Variants in PARD3B observed in about 807,000 individuals in gnomAD.
PARD3B encodes the protein partitioning defective 3 homolog B.
In PARD3B, 103 loss-of-function variants were observed where a neutral mutation model predicts 130.2. The observed-to-expected ratio is 0.79, with a 90% confidence interval of 0.67 to 0.93. The LOEUF (loss-of-function observed/expected upper bound fraction) is 0.93, where lower values mean the gene tolerates loss of function less well. PARD3B is among the 40% of genes least tolerant of loss of function. The pLI is 0.00. For synonymous variants in PARD3B, 583 were observed against 553.2 expected, an observed-to-expected ratio of 1.05 and a Z score of -0.76; for missense variants, 1,609 against 1,499.2, an observed-to-expected ratio of 1.07 and a Z score of -1.21.
intron 21 of PARD3B, among the ~76,000 whole-genome samples, chr2:205,520,044 A>C (rs938009296): frequency 1.3e-5 from 2 of 151,654 alleles, no homozygotes; most frequent in African/African-American, 2.4e-5. Flanking sequence ...ATGGCTTGGC[A>C]CTCCTGGACT....
intron 2 of PARD3B, among the ~76,000 whole-genome samples, chr2:204,702,214 A>G (rs2125278705): frequency 6.6e-6 from 1 of 152,224 alleles, no homozygotes; most frequent in African/African-American, 2.4e-5. Context: ...ATGTGAGTTT[A>G]TGTGTCTTTT....
At chr2:204,803,159 A>ATATATATAT (rs1310418905) in intron 2 of PARD3B, among the ~76,000 whole-genome samples, 4 of 121,172 alleles carry the variant, frequency 3.3e-5, no homozygotes, top group African/African-American at 1.2e-4. Flanking sequence ...AAAAAAAAAA[A>ATATATATAT]AAAAATATAT....
At position 205,410,864 on chromosome 2, in the gene PARD3B, A is replaced by T. The variant is rs2046572555; in HGVS notation, c.2741+9741A>T. Among the ~76,000 whole-genome samples the T allele has an allele frequency of 3.9e-5, 6 of 152,134 alleles. No individual in the cohort carries two copies. In the South Asian group the frequency reaches 1.0e-3, roughly 26 times the overall value. The stretch of plus-strand genomic sequence containing the variant: ...TCTATATGATTTGAAAGGATGCTCA[A>T]TCTATTGTCTTCTGGAATCTTCTCC... On this transcript the variant is annotated intron_variant, in intron 19 of 22. Coordinates refer to ENST00000406610, the MANE Select transcript of PARD3B (RefSeq NM_001302769.2).
intron 20 of PARD3B, among the ~76,000 whole-genome samples, chr2:205,490,528 C>A (rs932711164): frequency 1.3e-5 from 2 of 152,106 alleles, no homozygotes; most frequent in African/African-American, 4.8e-5. Flanking sequence ...GGACATTTGG[C>A]TTGGTTCCAA....
At chr2:205,383,145 T>TAGAGAGATAGATAGATAG (rs1553500460) in intron 18 of PARD3B, among the ~76,000 whole-genome samples, 1 of 129,518 alleles carries the variant, frequency 7.7e-6, no homozygotes. Flanking sequence ...GATAGATCGA[T>TAGAGAGATAGATAGATAG]CTAAACTATG....
Position 205,321,096 on chromosome 2 carries a change from A to T in PARD3B, c.2630+19395A>T, listed in dbSNP as rs2042737153. ...CAATCTGCTTAGGAAGTAGGTCTTA[A>T]ATAATTGATGATAACTGTAGCTAAA... On this transcript the variant is annotated intron_variant, in intron 18 of 22. Coordinates refer to ENST00000406610, the MANE Select transcript of PARD3B (RefSeq NM_001302769.2). This position sits in a 1 kb window ranked among gnomAD's most constrained non-coding sequence, Gnocchi z 4.2. Among the ~76,000 whole-genome samples, 1 of 152,182 alleles carries T rather than the reference A, an allele frequency of 6.6e-6. No individual in the cohort carries two copies. The highest frequency in any genetic ancestry group is 2.4e-5 in the African/African-American group (1 of 41,452).
intron 21 of PARD3B, among the ~76,000 whole-genome samples, chr2:205,526,525 A>G (rs1046317676): frequency 6.6e-6 from 1 of 152,154 alleles, no homozygotes; most frequent in African/African-American, 2.4e-5. Flanking sequence ...CTCTAACTTG[A>G]TAGCAAGCTC....
At chr2:205,362,446 A>G (rs1290828020) in intron 18 of PARD3B, among the ~76,000 whole-genome samples, 1 of 152,214 alleles carries the variant, frequency 6.6e-6, no homozygotes, top group South Asian at 2.1e-4. Context: ...AGGTAAACAG[A>G]CAATAATGAA....
At chr2:205,557,694 C>A (rs574116931) in intron 22 of PARD3B, among the ~76,000 whole-genome samples, 8 of 152,228 alleles carry the variant, frequency 5.3e-5, no homozygotes, top group Admixed American at 1.3e-4. Context: ...ACAAGCAAAA[C>A]CCTCAGCGAA....
rs1258304000 is a variant in PARD3B at position 205,291,300 on chromosome 2, G to A, written c.2186-9230G>A. ...CACCAACACCACCATCACAAGAGGA[G>A]AGCTGTAAAGAAAGCTTCGATCTCT... On this transcript the variant is annotated intron_variant, in intron 16 of 22. Coordinates refer to ENST00000406610, the MANE Select transcript of PARD3B (RefSeq NM_001302769.2). The surrounding 1 kb of genome is among the most constrained non-coding windows in gnomAD (Gnocchi z 4.6). Among the ~76,000 whole-genome samples the A allele has an allele frequency of 1.3e-5, 2 of 152,172 alleles. No homozygotes were observed. The highest frequency in any genetic ancestry group is 6.5e-5 in the Admixed American group (1 of 15,284).
Position 205,080,877 on chromosome 2 carries a change from G to T in PARD3B, c.505-23549G>T, listed in dbSNP as rs375004305. On this transcript the variant is annotated intron_variant, in intron 4 of 22. Transcript: ENST00000406610. ...AATTTTCGTTTCCTTGAGGATTAAG[G>T]AGGTTGAGCACCTCTTCATATGTTT... Among the ~76,000 whole-genome samples, 10 of 152,164 alleles carry T rather than the reference G, an allele frequency of 6.6e-5. No homozygotes were observed. The East Asian group carries it at 1.5e-3, about 23-fold the overall frequency.
intron 5 of PARD3B, among the ~76,000 whole-genome samples, chr2:205,110,613 A>G (rs1012742587): frequency 2.0e-5 from 3 of 148,700 alleles, no homozygotes; most frequent in Non-Finnish European, 3.0e-5. Flanking sequence ...TTTATCTCAC[A>G]CAGTTTATTT....
chr2:205,334,504 T>C (rs1468222270), intron 18 of PARD3B, among the ~76,000 whole-genome samples: 2 of 152,178 alleles, frequency 1.3e-5, no homozygotes, highest in East Asian at 3.9e-4. Context: ...CTGACACTAA[T>C]TGTAACCAAA....
At chr2:205,234,918 A>C (rs2125900957) in intron 15 of PARD3B, among the ~76,000 whole-genome samples, 1 of 152,368 alleles carries the variant, frequency 6.6e-6, no homozygotes, top group Admixed American at 6.5e-5. Context: ...TGGAAAATAA[A>C]TTATATACTT....
chr2:205,221,796 C>A (rs4675506), intron 15 of PARD3B, among the ~76,000 whole-genome samples: 86,064 of 151,768 alleles, frequency 0.57, 24,594 homozygotes, highest in Admixed American at 0.66. Flanking sequence ...GACACAATGC[C>A]AACAGTAGTC....
intron 2 of PARD3B, among the ~76,000 whole-genome samples, chr2:204,734,443 G>A (rs912131339): frequency 7.2e-5 from 11 of 152,108 alleles, no homozygotes; most frequent in Non-Finnish European, 1.3e-4. Context: ...CCCACAAATA[G>A]CAGTAAGTGA....
At chr2:205,535,182 A>G (rs1458286121) in intron 21 of PARD3B, among the ~76,000 whole-genome samples, 1 of 152,154 alleles carries the variant, frequency 6.6e-6, no homozygotes, top group Non-Finnish European at 1.5e-5. Context: ...CTCTGCATGA[A>G]TGGAAAGAGG....
intron 21 of PARD3B, among the ~76,000 whole-genome samples, chr2:205,547,235 G>A (rs1217862359): frequency 2.0e-5 from 3 of 152,122 alleles, no homozygotes; most frequent in South Asian, 2.1e-4. Flanking sequence ...AGTACAATCA[G>A]TGTTTATTTA....
At chr2:204,662,177 T>G (rs566821615) in intron 1 of PARD3B, among the ~76,000 whole-genome samples, 5 of 152,362 alleles carry the variant, frequency 3.3e-5, no homozygotes, top group African/African-American at 1.2e-4. Context: ...GATTGAGTTA[T>G]GCAGATCTTC....
Sources: allele counts gnomAD v4.1 joint callset (sites outside exome capture counted in the v4.1 genomes callset), GRCh38; gene constraint gnomAD v4.1.1; non-coding constraint Gnocchi (gnomAD v3.1); transcripts MANE v1.5; gene names NCBI Gene and HGNC (gene_info 2026-07-23, HGNC 2026-07-21).